The following CCDC12 variants were observed in gnomAD, a reference collection of about 807,000 sequenced individuals.
CCDC12 encodes coiled-coil domain containing 12.
CCDC12 carries 28 observed loss-of-function variants against 25.7 expected under a neutral mutation model. That is an observed-to-expected ratio of 1.09 (90% CI 0.81 to 1.50). The LOEUF is 1.50. Among genes scored for constraint, CCDC12 ranks in the 40% most tolerant of loss-of-function variants. The pLI is 0.00. For synonymous variants in CCDC12, 75 were observed against 87.7 expected (o/e 0.86, Z 0.81); for missense variants, 198 against 210.0 (o/e 0.94, Z 0.35).
chr3:46,970,940 G>C (rs1204834952), intron 1 of CCDC12, among the ~76,000 whole-genome samples: 1 of 152,132 alleles, frequency 6.6e-6, no homozygotes, highest in Admixed American at 6.5e-5. Context: ...AGTGTGCCCA[G>C]GCTGGCTACC....
upstream of CCDC12, among the ~76,000 whole-genome samples, chr3:46,979,080 G>C (rs1171638280): frequency 6.6e-6 from 1 of 152,210 alleles, no homozygotes. Context: ...TTGGGGAATG[G>C]GGGGAGCCCC....
At chr3:46,925,115 C>T (rs757079645) in intron 3 of CCDC12, 2 of 448,492 alleles carry the variant, frequency 4.5e-6, no homozygotes, top group Non-Finnish European at 8.7e-6. Flanking sequence ...ATCACCCTGC[C>T]CTGCTGCCCA....
intron 1 of CCDC12, among the ~76,000 whole-genome samples, chr3:46,944,040 C>T (rs988269350): frequency 7.9e-5 from 12 of 152,112 alleles, no homozygotes; most frequent in Non-Finnish European, 1.8e-4. Flanking sequence ...CTTTGCTGCC[C>T]GGGATAGTGG....
chr3:46,976,478 C>A, intron 1 of CCDC12, 159 bp downstream of exon 1: 1 of 1,436,290 alleles, frequency 7.0e-7, no homozygotes, highest in South Asian at 1.5e-5. Flanking sequence ...CAGCCCCAGA[C>A]ATCGTGGGAG....
chr3:46,946,956 G>A (rs2033932005), intron 1 of CCDC12, among the ~76,000 whole-genome samples: 1 of 152,166 alleles, frequency 6.6e-6, no homozygotes, highest in Non-Finnish European at 1.5e-5. Context: ...AAGCAGGAAA[G>A]GGTTAAGAGA....
intron 2 of CCDC12, among the ~76,000 whole-genome samples, chr3:46,926,918 C>T (rs1448058860): frequency 1.3e-5 from 2 of 152,116 alleles, no homozygotes; most frequent in Non-Finnish European, 2.9e-5. Flanking sequence ...CTGCTGACTT[C>T]CTCAGGCCCT....
At chr3:46,979,785 G>A (rs2035173750), upstream of CCDC12, 1 of 377,324 alleles carries the variant, frequency 2.7e-6, no homozygotes, top group South Asian at 8.7e-5. Context: ...CCATGGGCCT[G>A]GCCGAGGGCA....
chr3:46,935,168 A>T (rs1286760593), intron 2 of CCDC12, among the ~76,000 whole-genome samples: 1 of 152,212 alleles, frequency 6.6e-6, no homozygotes, highest in Non-Finnish European at 1.5e-5. Context: ...TGCTTTTGCA[A>T]TATGTGACAC....
intron 1 of CCDC12, among the ~76,000 whole-genome samples, chr3:46,967,771 G>A (rs1046687516): frequency 3.9e-5 from 6 of 152,200 alleles, no homozygotes; most frequent in Non-Finnish European, 7.3e-5. Flanking sequence ...GTGGCTAGCT[G>A]CAGAGTTCCT....
At chr3:46,946,763 T>C (rs911528874) in intron 1 of CCDC12, among the ~76,000 whole-genome samples, 1 of 152,112 alleles carries the variant, frequency 6.6e-6, no homozygotes, top group African/African-American at 2.4e-5. Context: ...GTGTCTGTGT[T>C]TGGGAGGGGG....
chr3:46,929,850 G>A (rs755046857), intron 2 of CCDC12, among the ~76,000 whole-genome samples: 11 of 151,684 alleles, frequency 7.3e-5, no homozygotes, highest in Non-Finnish European at 1.5e-5. Context: ...AACCAACATG[G>A]TGAAACCCCA....
At chr3:46,929,650 T>C (rs909655363) in intron 2 of CCDC12, among the ~76,000 whole-genome samples, 3 of 152,192 alleles carry the variant, frequency 2.0e-5, no homozygotes, top group Non-Finnish European at 2.9e-5. Context: ...GGGGAGAAGG[T>C]ACTAGCTCTA....
Position 46,922,207 on chromosome 3 carries a change from G to A in CCDC12, c.418+29C>T, listed in dbSNP as rs1391869999. 4 of 1,614,104 alleles carry A rather than the reference G, an allele frequency of 2.5e-6. No homozygotes were observed. In the East Asian group the frequency reaches 8.9e-5, roughly 36 times the overall value. On this transcript the variant is annotated intron_variant, in intron 6 of 6. Transcript: ENST00000683445. ...GCTTGGGCCACCACCCAGTGGGCAGGACCCCACCTTCCCAGGCACTGCACT... is the reference window on the plus strand; with the variant it reads ...GCTTGGGCCACCACCCAGTGGGCAGAACCCCACCTTCCCAGGCACTGCACT...
intron 1 of CCDC12, among the ~76,000 whole-genome samples, chr3:46,962,800 A>G (rs552530421): frequency 9.2e-5 from 14 of 152,340 alleles, no homozygotes; most frequent in South Asian, 4.1e-4. Context: ...GCCATTTTGC[A>G]AAAGTGTTTG....
intron 3 of CCDC12, chr3:46,924,999 G>A: frequency 2.9e-6 from 1 of 339,920 alleles, no homozygotes; most frequent in Non-Finnish European, 5.8e-6. Context: ...GCAAGCCCTG[G>A]GCCAGGCCCT....
At position 46,976,646 on chromosome 3, in the gene CCDC12, G is replaced by T. The variant is rs1384217740; in HGVS notation, c.87C>A (p.Thr29=). 12 of 1,610,840 alleles carry T rather than the reference G, an allele frequency of 7.4e-6. No homozygotes were observed. The highest frequency in any genetic ancestry group is 1.3e-5 in the African/African-American group (1 of 74,818). ...KERLKALREK[T]GRKDKEDGEP... is the part of the protein sequence containing the mutation. ...ACTCCACACTTCTCACCTTGCGCCC[G>T]GTTTTCTCCCGTAGGGCCTTCAGCC... Residue 29 remains threonine (T), a synonymous_variant, in exon 1 of 7, where the codon ACC becomes ACA. Transcript: ENST00000683445.
intron 1 of CCDC12, among the ~76,000 whole-genome samples, chr3:46,955,506 G>GAGA (rs1409449292): frequency 3.9e-5 from 6 of 152,130 alleles, no homozygotes; most frequent in African/African-American, 1.4e-4. Flanking sequence ...TGTCCAGGGA[G>GAGA]AGAAGAGGGA....
intron 1 of CCDC12, among the ~76,000 whole-genome samples, chr3:46,967,770 T>C (rs2034684071): frequency 6.6e-6 from 1 of 152,180 alleles, no homozygotes; most frequent in Admixed American, 6.5e-5. Context: ...AGTGGCTAGC[T>C]GCAGAGTTCC....
chr3:46,928,252 AT>A, intron 2 of CCDC12, among the ~76,000 whole-genome samples: 1 of 152,100 alleles, frequency 6.6e-6, no homozygotes. Context: ...AAAAAAAAAA[AT>A]GTATATATAT....
Sources: gnomAD v4.1 joint callset for allele counts (sites outside exome capture counted in the v4.1 genomes callset) on GRCh38, gnomAD v4.1.1 for gene constraint, MANE v1.5 for transcripts, NCBI Gene and HGNC (gene_info 2026-07-23, HGNC 2026-07-21) for gene names.